Variants in TNS1 observed in about 807,000 individuals in gnomAD.
TNS1 encodes tensin 1, also known as tensin-1.
Under a neutral mutation model 168.6 loss-of-function variants are expected in TNS1, and 62 were observed. That is an observed-to-expected ratio of 0.37 (90% confidence interval 0.30 to 0.45). The LOEUF is 0.45. TNS1 is among the 20% of genes least tolerant of loss of function. The probability of loss-of-function intolerance (pLI) is 1.00; values close to 1 mark genes in which losing one functional copy is unlikely to be tolerated. For missense variants in TNS1, 2,240 were observed against 2,339.4 expected (o/e 0.96, Z 0.88); for synonymous variants, 934 against 933.2 (o/e 1.00, Z -0.02).
intron 18 of TNS1, among the ~76,000 whole-genome samples, chr2:217,862,476 G>A (rs563631619): frequency 1.3e-5 from 2 of 152,180 alleles, no homozygotes; most frequent in African/African-American, 4.8e-5. Flanking sequence ...AGAGGTAGGA[G>A]GGTGGGTCTG....
At chr2:217,851,228 T>G (rs142365193) in intron 18 of TNS1, among the ~76,000 whole-genome samples, 3 of 151,676 alleles carry the variant, frequency 2.0e-5, no homozygotes, top group African/African-American at 7.3e-5. Flanking sequence ...AATACAAATG[T>G]TCCTACCATG....
At chr2:218,028,185 C>A (rs1958865261) in intron 1 of TNS1, among the ~76,000 whole-genome samples, 1 of 152,344 alleles carries the variant, frequency 6.6e-6, no homozygotes. Flanking sequence ...CCTGACCCTG[C>A]ACACATTCTT....
intron 3 of TNS1, among the ~76,000 whole-genome samples, chr2:217,954,773 C>T (rs1049690943): frequency 1.3e-5 from 2 of 152,224 alleles, no homozygotes; most frequent in African/African-American, 4.8e-5. Context: ...CTCCCAGCCA[C>T]CCCTTGGGCC....
At chr2:217,838,453 C>T (rs1945470438) in intron 19 of TNS1, among the ~76,000 whole-genome samples, 1 of 152,240 alleles carries the variant, frequency 6.6e-6, no homozygotes, top group Non-Finnish European at 1.5e-5. Flanking sequence ...ATCCTCTCTC[C>T]ATCACCACCA....
At chr2:217,915,524 C>A (rs1307178626) in intron 4 of TNS1, among the ~76,000 whole-genome samples, 2 of 152,180 alleles carry the variant, frequency 1.3e-5, no homozygotes, top group East Asian at 3.9e-4. Context: ...GTCCTAAGCC[C>A]AGGGGGTAGG....
chr2:218,018,330 T>G (rs530466053), intron 1 of TNS1, among the ~76,000 whole-genome samples: 1 of 152,326 alleles, frequency 6.6e-6, no homozygotes, highest in Admixed American at 6.5e-5. Context: ...CCAAATGAGG[T>G]CTGAGTCTTC....
At chr2:217,898,079 G>C in intron 7 of TNS1, 110 bp from the exon 8 acceptor site, 1 of 1,294,444 alleles carries the variant, frequency 7.7e-7, no homozygotes, top group Non-Finnish European at 1.0e-6. Flanking sequence ...ATGCAGCCCA[G>C]GGTGCTTGGC....
intron 12 of TNS1, among the ~76,000 whole-genome samples, chr2:217,890,134 A>T (rs1400167739): frequency 6.6e-6 from 1 of 152,138 alleles, no homozygotes; most frequent in Non-Finnish European, 1.5e-5. Context: ...GCAAAATGGG[A>T]TGCCTAGATC....
intron 6 of TNS1, 57 bp downstream of exon 6, chr2:217,906,278 C>CA: frequency 1.2e-5 from 8 of 668,848 alleles, no homozygotes; most frequent in South Asian, 3.1e-5. Context: ...CACCCCACCC[C>CA]ATTCCCCCTG....
At chr2:217,905,467 A>G (rs1194881435) in intron 6 of TNS1, 1 of 365,010 alleles carries the variant, frequency 2.7e-6, no homozygotes, top group East Asian at 8.5e-5. Context: ...TGCCTATAGG[A>G]ACTGCCCCTC....
At chr2:217,811,762 T>C (rs529365160) in intron 28 of TNS1, among the ~76,000 whole-genome samples, 1 of 152,326 alleles carries the variant, frequency 6.6e-6, no homozygotes, top group South Asian at 2.1e-4. Context: ...ACTCCTTCCC[T>C]AGCCCTGCCG....
intron 32 of TNS1, 151 bp downstream of exon 32, chr2:217,807,924 A>C: frequency 1.1e-6 from 1 of 936,902 alleles, no homozygotes; most frequent in African/African-American, 1.6e-5. Flanking sequence ...AAGCCTGGTC[A>C]AGCTTCACTC....
chr2:217,917,532 T>A (rs1955163027), intron 4 of TNS1, among the ~76,000 whole-genome samples: 1 of 151,954 alleles, frequency 6.6e-6, no homozygotes, highest in South Asian at 2.1e-4. Flanking sequence ...GACACTTCAA[T>A]AAAAATTTGA....
chr2:217,945,575 G>C (rs984558912), intron 3 of TNS1, among the ~76,000 whole-genome samples: 1 of 152,192 alleles, frequency 6.6e-6, no homozygotes. Context: ...TCTGGGTTCT[G>C]AGTCCCAAAT....
At position 217,873,432 on chromosome 2, in the gene TNS1, G is replaced by A. The variant is rs527409638; in HGVS notation, c.1429+7466C>T. Among the ~76,000 whole-genome samples, 229 of 152,310 alleles carry A rather than the reference G, an allele frequency of 1.5e-3. 1 individual carries two copies. The highest frequency in any genetic ancestry group is 5.1e-3 in the African/African-American group (213 of 41,566). On this transcript the variant is annotated intron_variant, in intron 18 of 32. Coordinates refer to ENST00000682258, the MANE Select transcript of TNS1 (RefSeq NM_001387777.1). ...AGAGACTCAGCAGGTACCTGCGGGC[G>A]CATGGAGGATGTGAAAGACAGGGGC... is the stretch of plus-strand genomic sequence containing the variant.
At chr2:217,840,228 T>C (rs1329280640) in intron 19 of TNS1, among the ~76,000 whole-genome samples, 1 of 152,084 alleles carries the variant, frequency 6.6e-6, no homozygotes, top group Admixed American at 6.5e-5. Flanking sequence ...GGCCTGAGCA[T>C]GGCATCTTCC....
At chr2:217,821,612 G>A in intron 23 of TNS1, 128 bp downstream of exon 23, 1 of 933,700 alleles carries the variant, frequency 1.1e-6, no homozygotes, top group South Asian at 2.5e-5. Context: ...GGTTTGCAAG[G>A]TACCGCCATC....
At chr2:217,863,098 G>T (rs1172554474) in intron 18 of TNS1, among the ~76,000 whole-genome samples, 1 of 152,146 alleles carries the variant, frequency 6.6e-6, no homozygotes, top group Non-Finnish European at 1.5e-5. Context: ...TCATTCGTAG[G>T]TATAAAGCAA....
rs946190227 is a variant in TNS1 at position 217,995,825 on chromosome 2, C to T, written c.34-4769G>A. On this transcript the variant is annotated intron_variant, in intron 1 of 32. Coordinates refer to ENST00000682258, the MANE Select transcript of TNS1 (RefSeq NM_001387777.1). The surrounding 1 kb of genome is among the most constrained non-coding windows in gnomAD (Gnocchi z 4.1). ...AGGGCCCAGGAAAGGGGAAGGGCTC[C>T]AGCCTATAAGTCCTTCTTCTCCTCC... 1.4e-4 allele frequency among the ~76,000 whole-genome samples: 21 copies of T among 152,200 alleles called. 1 individual carries two copies. Among genetic ancestry groups the T allele is most frequent in the Non-Finnish European group, 2.2e-4 (15 of 68,034 alleles).
Sources: allele counts gnomAD v4.1 joint callset (sites outside exome capture counted in the v4.1 genomes callset), GRCh38; gene constraint gnomAD v4.1.1; non-coding constraint Gnocchi (gnomAD v3.1); transcripts MANE v1.5; gene names NCBI Gene and HGNC (gene_info 2026-07-23, HGNC 2026-07-21).